The following DOCK2 variants were observed in gnomAD, a reference collection of about 807,000 sequenced individuals.
DOCK2 encodes dedicator of cytokinesis 2.
DOCK2 carries 87 observed loss-of-function variants against 248.9 expected under a neutral mutation model. That is an observed-to-expected ratio of 0.35 (90% confidence interval 0.29 to 0.42). DOCK2 has a LOEUF of 0.42. Ranked by LOEUF, DOCK2 falls within the 10% of genes least tolerant of loss-of-function variation. DOCK2 has a pLI of 1.00. For synonymous variants in DOCK2, 805 were observed against 821.6 expected (o/e 0.98, Z 0.35); for missense variants, 1,747 against 2,300.2 (o/e 0.76, Z 4.92).
chr5:169,738,904 C>T (rs574698603), intron 22 of DOCK2, among the ~76,000 whole-genome samples: 6 of 152,292 alleles, frequency 3.9e-5, no homozygotes, highest in Admixed American at 1.3e-4. Flanking sequence ...CTGTCCTCTG[C>T]GGGCAGCCTG....
chr5:169,798,887 T>C (rs1433510135), intron 25 of DOCK2, among the ~76,000 whole-genome samples: 1 of 152,222 alleles, frequency 6.6e-6, no homozygotes, highest in Non-Finnish European at 1.5e-5. Context: ...TGGAGAAAGT[T>C]TTAAATAATT....
At chr5:169,645,556 C>T (rs998372138) in intron 1 of DOCK2, among the ~76,000 whole-genome samples, 8 of 152,208 alleles carry the variant, frequency 5.3e-5, no homozygotes, top group African/African-American at 1.7e-4. Context: ...AAATTTTCTC[C>T]CATTCTGTAG....
At chr5:169,771,701 C>G (rs1047998262) in intron 25 of DOCK2, among the ~76,000 whole-genome samples, 1 of 151,952 alleles carries the variant, frequency 6.6e-6, no homozygotes, top group South Asian at 2.1e-4. Context: ...CAGTTTATAC[C>G]TTGTCTTTTT....
At chr5:169,828,144 A>T (rs139785202) in intron 26 of DOCK2, among the ~76,000 whole-genome samples, 1 of 152,188 alleles carries the variant, frequency 6.6e-6, no homozygotes, top group African/African-American at 2.4e-5. Flanking sequence ...GTGTAACTGC[A>T]TGCGTAGATC....
intron 27 of DOCK2, among the ~76,000 whole-genome samples, chr5:169,845,215 C>A (rs1389469314): frequency 6.6e-6 from 1 of 150,678 alleles, no homozygotes; most frequent in Non-Finnish European, 1.5e-5. Flanking sequence ...CACTTCCATT[C>A]ACCCACCAAG....
chr5:169,651,269 A>T (rs1757790772), intron 1 of DOCK2, among the ~76,000 whole-genome samples: 1 of 152,250 alleles, frequency 6.6e-6, no homozygotes, highest in Admixed American at 6.5e-5. Context: ...AAAGGCAGAA[A>T]TAGATTTATA....
Position 170,076,182 on chromosome 5 carries a change from G to A in DOCK2, c.4866+98G>A, listed in dbSNP as rs1471991909. The A allele has an allele frequency of 2.2e-5, 33 of 1,493,798 alleles. 1 individual carries two copies. The South Asian group carries it at 4.0e-4, about 18-fold the overall frequency. The allele number at this position is 1,493,798 out of a possible 1,614,324, so 92.5% of individuals were successfully genotyped here. On this transcript the variant is annotated intron_variant, in intron 47 of 51. Coordinates refer to ENST00000520908, the MANE Select transcript of DOCK2 (RefSeq NM_004946.3). ...AGTTGGAGGGGATCCAGCAAAGGAA[G>A]CTGCTTCCAAAGAGAAGATAATGAT...
At chr5:169,839,559 C>T (rs1200940477) in intron 26 of DOCK2, among the ~76,000 whole-genome samples, 1 of 152,174 alleles carries the variant, frequency 6.6e-6, no homozygotes, top group Non-Finnish European at 1.5e-5. Flanking sequence ...GTAAAATGCT[C>T]CAAGATATAG....
rs1757985424 is a variant in DOCK2 at position 169,654,501 on chromosome 5, C to T, written c.127+15C>T. 1.9e-6 allele frequency: 3 copies of T among 1,613,964 alleles called. No homozygotes were observed. Among genetic ancestry groups the T allele is most frequent in the Non-Finnish European group, 2.5e-6 (3 of 1,179,974 alleles). On this transcript the variant is annotated intron_variant, in intron 2 of 51. Coordinates refer to ENST00000520908, the MANE Select transcript of DOCK2 (RefSeq NM_004946.3). Reference sequence around the variant, plus strand: ...GACGTGTGGAGGTGAGTCACTGGCCCACGCCCCAAGTGCTGGACCCTTGGC... The same window carrying T: ...GACGTGTGGAGGTGAGTCACTGGCCTACGCCCCAAGTGCTGGACCCTTGGC...
intron 40 of DOCK2, among the ~76,000 whole-genome samples, chr5:170,048,651 G>C (rs1240726464): frequency 6.6e-6 from 1 of 152,176 alleles, no homozygotes; most frequent in African/African-American, 2.4e-5. Context: ...ACTCATGGGA[G>C]AATGAGAATG....
At chr5:169,881,166 G>A (rs1171781568) in intron 27 of DOCK2, among the ~76,000 whole-genome samples, 1 of 152,176 alleles carries the variant, frequency 6.6e-6, no homozygotes, top group Non-Finnish European at 1.5e-5. Flanking sequence ...GCCTAGGGAT[G>A]ATTACATCAA....
intron 3 of DOCK2, among the ~76,000 whole-genome samples, chr5:169,669,904 T>C (rs1014051023): frequency 7.2e-5 from 11 of 152,214 alleles, no homozygotes; most frequent in African/African-American, 2.7e-4. Context: ...TAAACTTACC[T>C]TGTTAACTGA....
intron 27 of DOCK2, 130 bp downstream of exon 27, chr5:169,840,982 A>G: frequency 9.9e-7 from 1 of 1,009,276 alleles, no homozygotes. Flanking sequence ...GGGTGACCAG[A>G]TTTTTCCTGT....
chr5:169,676,410 C>T (rs1360558686), intron 6 of DOCK2, among the ~76,000 whole-genome samples: 1 of 152,164 alleles, frequency 6.6e-6, no homozygotes, highest in East Asian at 1.9e-4. Flanking sequence ...CTAAACCAGC[C>T]CCTCCTCTGC....
At chr5:169,801,161 T>TG (rs1561709187) in intron 25 of DOCK2, among the ~76,000 whole-genome samples, 7 of 126,314 alleles carry the variant, frequency 5.5e-5, no homozygotes, top group African/African-American at 1.5e-4. Flanking sequence ...TTTTTTTTTT[T>TG]TTTTTTTTTT....
At chr5:169,841,080 T>C (rs1769935318) in intron 27 of DOCK2, among the ~76,000 whole-genome samples, 1 of 152,094 alleles carries the variant, frequency 6.6e-6, no homozygotes, top group Non-Finnish European at 1.5e-5. Context: ...CAGCGCTAAA[T>C]TGAGCATACC....
rs767314675 is a variant in DOCK2 at position 170,076,070 on chromosome 5, G to A, written c.4852G>A (p.Gly1618Ser). Residue 1618 changes from glycine to serine, a missense_variant, in exon 47 of 52, where the codon GGT becomes AGT. Transcript: ENST00000520908. Reference sequence around the variant, plus strand: ...GAAAATGAAGGTGGAGAAGGAGTACGGTGTCCGAGAGATGGTATGGGTGGT... The same window carrying A: ...GAAAATGAAGGTGGAGAAGGAGTACAGTGTCCGAGAGATGGTATGGGTGGT... ...NLKMKVEKEY[G>S]VREMPDFDDR... The A allele has an allele frequency of 8.1e-6, 13 of 1,614,102 alleles. No individual in the cohort carries two copies. Among genetic ancestry groups the A allele is most frequent in the East Asian group, 4.5e-5 (2 of 44,870 alleles).
chr5:170,072,611 A>G (rs1757717774), intron 46 of DOCK2, among the ~76,000 whole-genome samples: 2 of 152,196 alleles, frequency 1.3e-5, no homozygotes, highest in African/African-American at 4.8e-5. Flanking sequence ...CAGTTTTTCA[A>G]AGTGGCTAAA....
intron 3 of DOCK2, 94 bp downstream of exon 3, chr5:169,669,422 C>T (rs970018719): frequency 1.2e-5 from 17 of 1,372,176 alleles, no homozygotes; most frequent in Non-Finnish European, 1.7e-5. Context: ...CATTGCTCCT[C>T]AGCAAAGGGA....
Sources: allele counts gnomAD v4.1 joint callset (sites outside exome capture counted in the v4.1 genomes callset), GRCh38; gene constraint gnomAD v4.1.1; transcripts MANE v1.5; gene names NCBI Gene and HGNC (gene_info 2026-07-23, HGNC 2026-07-21).